Variants in ATP2A2 observed in about 807,000 individuals in gnomAD.
The protein encoded by ATP2A2 is sarcoplasmic/endoplasmic reticulum calcium ATPase 2.
A neutral mutation model predicts 109.3 loss-of-function variants in ATP2A2; 14 were observed. The ratio of observed to expected loss-of-function variants is 0.13; its 90% CI spans 0.08 to 0.20. ATP2A2 has a LOEUF of 0.20. Ranked by LOEUF, ATP2A2 falls within the 10% of genes least tolerant of loss-of-function variation. The pLI, the probability that ATP2A2 is intolerant of heterozygous loss-of-function variation, is 1.00. For missense variants in ATP2A2, 657 were observed against 1,321.6 expected (o/e 0.50, Z 7.80); for synonymous variants, 506 against 490.9 (o/e 1.03, Z -0.41).
intron 5 of ATP2A2, among the ~76,000 whole-genome samples, chr12:110,314,108 C>T (rs999792227): frequency 1.3e-5 from 2 of 151,800 alleles, no homozygotes; most frequent in African/African-American, 2.4e-5. Context: ...GCGGGCAGAT[C>T]ACCTGAGGTC....
Position 110,346,830 on chromosome 12 carries a change from A to T in ATP2A2, c.*360A>T. 2 of 1,130,604 alleles carry T rather than the reference A, an allele frequency of 1.8e-6. No individual in the cohort carries two copies. Among genetic ancestry groups the T allele is most frequent in the Non-Finnish European group, 2.2e-6 (2 of 917,502 alleles). The allele number at this position is 1,130,604 out of a possible 1,614,324, so 70.0% of individuals were successfully genotyped here. ...ATTGGCAGCAGATTTTAGGAAATGA[A>T]TGTGTGTGGTTTTTTTTCTAAAACT... On this transcript the variant is annotated 3_prime_UTR_variant, in exon 20 of 20. Transcript: ENST00000539276.
chr12:110,282,605 G>A lies in ATP2A2; in HGVS notation c.120G>A (p.Glu40=). The change falls in exon 2 of 20, where the codon GAG becomes GAA. Residue 40 remains glutamate (E), a splice_region_variant and synonymous_variant. Transcript: ENST00000539276. ...KKLKERWGSN[E]LPAEEGKTLL... ...TTGACGAATTTCTACATTCTACAGA[G>A]TTACCGGCTGAAGAAGGTAATCTTA... The A allele has an allele frequency of 6.2e-7, 1 of 1,613,486 alleles. No individual in the cohort carries two copies. Among genetic ancestry groups the A allele is most frequent in the Middle Eastern group, 1.7e-4 (1 of 6,060 alleles).
rs1880220787 is a variant in ATP2A2 at position 110,349,679 on chromosome 12, T to C, written c.*3209T>C. On this transcript the variant is annotated 3_prime_UTR_variant, in exon 20 of 20. Transcript: ENST00000539276. ...ATTAGCTCAGTGTCTACCAAGCATC[T>C]AGCCACTGTCCAGGGCCAGAGCATA... is the stretch of plus-strand genomic sequence containing the variant. The C allele has an allele frequency of 2.5e-5, 25 of 991,024 alleles. No individual in the cohort carries two copies. The highest frequency in any genetic ancestry group is 3.0e-5 in the Non-Finnish European group (25 of 832,774). 61.4% of individuals were successfully genotyped at this position (991,024 alleles called of 1,614,324 possible). A position where few individuals can be genotyped will look rare whatever the true frequency, so the allele number is the denominator to read the frequency against.
chr12:110,338,882 C>T (rs995067879), intron 11 of ATP2A2, among the ~76,000 whole-genome samples: 2 of 152,230 alleles, frequency 1.3e-5, no homozygotes, highest in African/African-American at 4.8e-5. Context: ...GCCACGTTGG[C>T]ACTCCTTTAC....
intron 5 of ATP2A2, among the ~76,000 whole-genome samples, chr12:110,309,678 T>C (rs1875791985): frequency 6.6e-6 from 1 of 151,954 alleles, no homozygotes; most frequent in Admixed American, 6.6e-5. Flanking sequence ...GGCCAAGGCA[T>C]GCAGATCACT....
chr12:110,281,778 GC>G lies in ATP2A2; in HGVS notation c.-7del, dbSNP rs1278377322. ...GGGGACGGGAGGCGAGGCCGGCCGG[GC>G]CCCCGAAGCCATGGAGAACGCGCAC... On this transcript the variant is annotated 5_prime_UTR_variant, in exon 1 of 20. Coordinates refer to ENST00000539276, the MANE Select transcript of ATP2A2 (RefSeq NM_170665.4). 7 of 1,489,664 alleles carry G rather than the reference GC, an allele frequency of 4.7e-6. No individual in the cohort carries two copies. Among genetic ancestry groups the G allele is most frequent in the East Asian group, 2.8e-5 (1 of 35,758 alleles). The allele number at this position is 1,489,664 out of a possible 1,614,324, so 92.3% of individuals were successfully genotyped here.
In ATP2A2 at chr12:110,284,121, A is replaced by G. The variant is rs573722895; in HGVS notation, c.219+1326A>G. On this transcript the variant is annotated intron_variant, in intron 3 of 19. Transcript: ENST00000539276. ...GGACTTACATAGCAAACCATTCAGC[A>G]TTCTGAGTCAGTCACAATGTACCTC... Among the ~76,000 whole-genome samples the G allele has an allele frequency of 3.9e-5, 6 of 152,326 alleles. No individual in the cohort carries two copies. In the South Asian group the frequency reaches 1.0e-3, roughly 26 times the overall value.
At chr12:110,328,920 T>G (rs1433211935) in intron 8 of ATP2A2, among the ~76,000 whole-genome samples, 2 of 152,182 alleles carry the variant, frequency 1.3e-5, no homozygotes, top group African/African-American at 4.8e-5. Context: ...AATAGACAAG[T>G]TCTAGAGAAA....
intron 15 of ATP2A2, 81 bp from the exon 16 acceptor site, chr12:110,343,151 A>C (rs2137864152): frequency 7.2e-7 from 1 of 1,382,686 alleles, no homozygotes; most frequent in Non-Finnish European, 1.0e-6. Flanking sequence ...TTTCTGGAGG[A>C]GGGCGGGTTG....
chr12:110,344,033 A>C (rs1394829263), intron 16 of ATP2A2, among the ~76,000 whole-genome samples: 1 of 152,118 alleles, frequency 6.6e-6, no homozygotes, highest in Non-Finnish European at 1.5e-5. Context: ...TGGGCCAGTC[A>C]CTTCCCTCTG....
chr12:110,284,782 T>G (rs1872505792), intron 3 of ATP2A2, among the ~76,000 whole-genome samples: 1 of 152,220 alleles, frequency 6.6e-6, no homozygotes. Flanking sequence ...TTTTATTTTA[T>G]GAGTTGGTAA....
Position 110,343,512 on chromosome 12 carries a change from A to G in ATP2A2, c.2521+78A>G, listed in dbSNP as rs1879557129. The G allele has an allele frequency of 3.9e-6, 6 of 1,539,514 alleles. No individual in the cohort carries two copies. In the South Asian group the frequency reaches 5.6e-5, roughly 14 times the overall value. ...GAAATTTTGTAAATTCATCCCTTAAAAGCGTGTTTTTTCTTCTATCCCCGT... is the reference window on the plus strand; with the variant it reads ...GAAATTTTGTAAATTCATCCCTTAAGAGCGTGTTTTTTCTTCTATCCCCGT... On this transcript the variant is annotated intron_variant, in intron 16 of 19. Transcript: ENST00000539276.
chr12:110,345,589 C>A, intron 18 of ATP2A2: 1 of 809,814 alleles, frequency 1.2e-6, no homozygotes, highest in Non-Finnish European at 1.9e-6. Flanking sequence ...TTCTTAGGAG[C>A]TCTTCCTTAA....
chr12:110,345,461 A>G (rs1018684524), intron 18 of ATP2A2, 79 bp downstream of exon 18: 13 of 1,582,298 alleles, frequency 8.2e-6, no homozygotes, highest in Non-Finnish European at 8.7e-6. Flanking sequence ...GTCACGGTTG[A>G]TTGAGGATCA....
In ATP2A2 at chr12:110,340,683, G is replaced by T; in HGVS notation, c.1786G>T (p.Val596Leu). The T allele has an allele frequency of 3.1e-6, 5 of 1,614,106 alleles. No individual in the cohort carries two copies. Among genetic ancestry groups the T allele is most frequent in the Non-Finnish European group, 4.2e-6 (5 of 1,180,014 alleles). Residue 596 changes from valine (V) to leucine (L), a missense_variant, in exon 14 of 20, where the codon GTG (valine) becomes TTG (leucine). Around this residue, in one of 9 missense-constraint regions of ATP2A2, gnomAD observed 180 missense variants for 329.1 expected, o/e 0.55. Coordinates refer to ENST00000539276, the MANE Select transcript of ATP2A2 (RefSeq NM_170665.4). The surrounding 1 kb of genome is among the most constrained non-coding windows in gnomAD (Gnocchi z 6.0). Reference protein sequence around the residue: ...YETNLTFVGCVGMLDPPRIEV... With the variant: ...YETNLTFVGCLGMLDPPRIEV... ...GACCAATCTGACCTTCGTTGGCTGC[G>T]TGGGCATGCTGGATCCTCCGAGAAT...
intron 5 of ATP2A2, among the ~76,000 whole-genome samples, chr12:110,319,270 A>T (rs577937637): frequency 3.2e-4 from 48 of 150,900 alleles, no homozygotes; most frequent in African/African-American, 1.1e-3. Context: ...CCCCACTCCA[A>T]ATGCATTTAA....
At chr12:110,284,464 A>G (rs1415020743) in intron 3 of ATP2A2, among the ~76,000 whole-genome samples, 1 of 152,194 alleles carries the variant, frequency 6.6e-6, no homozygotes, top group Non-Finnish European at 1.5e-5. Flanking sequence ...GTGGGAAACC[A>G]TGCCACTGGT....
chr12:110,346,163 G>A (rs750907286), intron 19 of ATP2A2, 38 bp from the exon 20 acceptor site: 1 of 1,614,134 alleles, frequency 6.2e-7, no homozygotes, highest in South Asian at 1.1e-5. Context: ...TCCTTCCAGG[G>A]GAGGCTGGAG....
chr12:110,343,924 C>T (rs1283294967), intron 16 of ATP2A2, among the ~76,000 whole-genome samples: 1 of 152,166 alleles, frequency 6.6e-6, no homozygotes, highest in Non-Finnish European at 1.5e-5. Context: ...GAGGTGAAAT[C>T]ACTTCCCTGG....
Sources: allele counts gnomAD v4.1 joint callset (sites outside exome capture counted in the v4.1 genomes callset), GRCh38; gene constraint gnomAD v4.1.1; regional missense constraint gnomAD v4.1.1; non-coding constraint Gnocchi (gnomAD v3.1); transcripts MANE v1.5; gene names NCBI Gene and HGNC (gene_info 2026-07-23, HGNC 2026-07-21).